Variants in PCNX2 observed in about 807,000 individuals in gnomAD.
PCNX2 encodes the protein pecanex-like protein 2.
PCNX2 carries 168 observed loss-of-function variants against 223.8 expected under a neutral mutation model. That is an observed-to-expected ratio of 0.75 (90% CI 0.66 to 0.85). The LOEUF (loss-of-function observed/expected upper bound fraction) is 0.85, where lower values mean the gene tolerates loss of function less well. PCNX2 is among the 40% of genes least tolerant of loss of function. The pLI is 0.00. For synonymous variants in PCNX2, 1,006 were observed against 1,052.6 expected (o/e 0.96, Z 0.86); for missense variants, 2,507 against 2,675.5 (o/e 0.94, Z 1.39).
At chr1:233,188,398 G>T (rs1331166681) in intron 15 of PCNX2, among the ~76,000 whole-genome samples, 1 of 152,100 alleles carries the variant, frequency 6.6e-6, no homozygotes, top group African/African-American at 2.4e-5. Context: ...ACTTCTTCTA[G>T]GCCAGTAAGG....
intron 1 of PCNX2, chr1:233,291,182 T>C (rs1041167786): frequency 2.7e-5 from 21 of 765,706 alleles, no homozygotes; most frequent in Non-Finnish European, 3.2e-5. Context: ...TATAGATGAC[T>C]GTGGGCAAAT....
At position 233,192,223 on chromosome 1, in the gene PCNX2, T is replaced by C. The variant is rs1050533202; in HGVS notation, c.3066+6716A>G. Among the ~76,000 whole-genome samples the C allele has an allele frequency of 3.3e-5, 5 of 152,176 alleles. No homozygotes were observed. The East Asian group carries it at 7.7e-4, about 23-fold the overall frequency. ...GGGCAGCCAAGTGACATATATACAT[T>C]ATGTGGCTCAGGCATAAAAAATGAT... is the stretch of plus-strand genomic sequence containing the variant. On this transcript the variant is annotated intron_variant, in intron 15 of 33. Coordinates refer to ENST00000258229, the MANE Select transcript of PCNX2 (RefSeq NM_014801.4).
intron 25 of PCNX2, among the ~76,000 whole-genome samples, chr1:233,039,858 A>G (rs1671581886): frequency 6.6e-6 from 1 of 152,240 alleles, no homozygotes; most frequent in Non-Finnish European, 1.5e-5. Context: ...GATGAACACA[A>G]ACACTCAAAC....
At chr1:233,238,840 C>G (rs1337103872) in intron 8 of PCNX2, among the ~76,000 whole-genome samples, 1 of 152,096 alleles carries the variant, frequency 6.6e-6, no homozygotes, top group East Asian at 1.9e-4. Context: ...AGAGTAAGTA[C>G]GTAGAGTTTG....
chr1:233,065,938 C>G (rs1361967401), intron 23 of PCNX2, among the ~76,000 whole-genome samples: 1 of 152,212 alleles, frequency 6.6e-6, no homozygotes, highest in Non-Finnish European at 1.5e-5. Flanking sequence ...GCTGCCAGTT[C>G]TAGATAAAGT....
At chr1:233,152,832 G>T (rs143599144) in intron 19 of PCNX2, among the ~76,000 whole-genome samples, 2 of 152,114 alleles carry the variant, frequency 1.3e-5, no homozygotes, top group Admixed American at 1.3e-4. Context: ...CTTAGGGAGC[G>T]CTTTCTGTCT....
chr1:233,096,992 A>C (rs910556558), intron 21 of PCNX2, among the ~76,000 whole-genome samples: 3 of 152,216 alleles, frequency 2.0e-5, no homozygotes, highest in Non-Finnish European at 2.9e-5. Flanking sequence ...TCTCTGCCTC[A>C]CTTTTCTGGT....
intron 21 of PCNX2, among the ~76,000 whole-genome samples, chr1:233,120,416 A>C (rs772805009): frequency 1.3e-5 from 2 of 152,152 alleles, no homozygotes; most frequent in Non-Finnish European, 2.9e-5. Flanking sequence ...CATCCACCAG[A>C]GTGGTTAAAA....
chr1:233,090,560 A>G (rs956406588), intron 22 of PCNX2, among the ~76,000 whole-genome samples: 3 of 152,348 alleles, frequency 2.0e-5, no homozygotes, highest in African/African-American at 7.2e-5. Context: ...TAAATAATTA[A>G]TATTAGATGA....
chr1:233,302,334 A>G, the PCNX2 span, among the ~76,000 whole-genome samples: 77 of 147,782 alleles, frequency 5.2e-4, no homozygotes, highest in African/African-American at 1.7e-3. Flanking sequence ...TTGTCATACT[A>G]TCCTCTTGTG....
At position 232,988,277 on chromosome 1, in the gene PCNX2, T is replaced by TTGG. The variant is rs554327888; in HGVS notation, c.5792-1740_5792-1738dup. Among the ~76,000 whole-genome samples the TTGG allele has an allele frequency of 2.3e-3, 343 of 152,310 alleles. 1 individual carries two copies. Among genetic ancestry groups the TTGG allele is most frequent in the African/African-American group, 7.8e-3 (325 of 41,572 alleles). On this transcript the variant is annotated intron_variant, in intron 32 of 33. Transcript: ENST00000258229. ...ATGCTCAATAGAAGACCACCCATAC[T>TTGG]TGGTGGGGAACTTCCTAGAGAATTC... is the stretch of plus-strand genomic sequence containing the variant.
chr1:233,034,524 T>G (rs1671381456), intron 25 of PCNX2, among the ~76,000 whole-genome samples: 1 of 152,202 alleles, frequency 6.6e-6, no homozygotes, highest in South Asian at 2.1e-4. Flanking sequence ...CTAAGACAAT[T>G]TATCTTCATC....
intron 19 of PCNX2, among the ~76,000 whole-genome samples, chr1:233,145,035 G>A (rs1165425246): frequency 1.3e-5 from 2 of 150,622 alleles, no homozygotes; most frequent in East Asian, 3.9e-4. Flanking sequence ...CTCAATCTCG[G>A]CTCACTGCAA....
At chr1:233,006,060 C>T (rs1014219751) in intron 28 of PCNX2, among the ~76,000 whole-genome samples, 4 of 152,078 alleles carry the variant, frequency 2.6e-5, no homozygotes, top group African/African-American at 7.2e-5. Flanking sequence ...CATGTGTAAT[C>T]ATGTGTTAGG....
chr1:233,237,604 T>G (rs1290984093), intron 8 of PCNX2, among the ~76,000 whole-genome samples: 4 of 152,178 alleles, frequency 2.6e-5, no homozygotes, highest in Non-Finnish European at 5.9e-5. Flanking sequence ...ATCCTGGCAT[T>G]TTTTTCCTTT....
chr1:232,990,023 C>T lies in PCNX2; in HGVS notation c.5792-3483G>A, dbSNP rs969307230. 3.3e-5 allele frequency among the ~76,000 whole-genome samples: 5 copies of T among 152,212 alleles called. No individual in the cohort carries two copies. The highest frequency in any genetic ancestry group is 1.2e-4 in the African/African-American group (5 of 41,460). Reference sequence around the variant, plus strand: ...GAGACTGGCCTCTAACGCCCCTGCACTGGCCAAGCAGGTCTCTGGCTTCCT... The same window carrying T: ...GAGACTGGCCTCTAACGCCCCTGCATTGGCCAAGCAGGTCTCTGGCTTCCT... On this transcript the variant is annotated intron_variant, in intron 32 of 33. Coordinates refer to ENST00000258229, the MANE Select transcript of PCNX2 (RefSeq NM_014801.4). The surrounding 1 kb of genome is among the most constrained non-coding windows in gnomAD (Gnocchi z 4.3).
At chr1:233,135,260 A>G in intron 20 of PCNX2, 70 bp from the exon 21 acceptor site, 2 of 1,445,092 alleles carry the variant, frequency 1.4e-6, no homozygotes, top group South Asian at 2.7e-5. Context: ...TCATTCGCTA[A>G]CAATTCTCCA....
At chr1:233,121,083 G>C (rs978086516) in intron 21 of PCNX2, among the ~76,000 whole-genome samples, 4 of 151,082 alleles carry the variant, frequency 2.6e-5, no homozygotes, top group Non-Finnish European at 4.4e-5. Flanking sequence ...CTCCACGATA[G>C]CACCAAATAA....
intron 15 of PCNX2, among the ~76,000 whole-genome samples, chr1:233,183,356 G>C (rs961448697): frequency 3.3e-5 from 5 of 152,118 alleles, no homozygotes; most frequent in African/African-American, 4.8e-5. Context: ...CCCGGTACCT[G>C]GCACAAATGT....
Sources: allele counts gnomAD v4.1 joint callset (sites outside exome capture counted in the v4.1 genomes callset), GRCh38; gene constraint gnomAD v4.1.1; non-coding constraint Gnocchi (gnomAD v3.1); transcripts MANE v1.5; gene names NCBI Gene and HGNC (gene_info 2026-07-23, HGNC 2026-07-21).